TBCEL: variants seen among roughly 807,000 people sequenced by gnomAD.
TBCEL encodes tubulin folding cofactor E like, also known as tubulin-specific chaperone cofactor E-like protein.
A neutral mutation model predicts 44.2 loss-of-function variants in TBCEL; 15 were observed. That is an observed-to-expected ratio of 0.34 (90% CI 0.23 to 0.52). The LOEUF (loss-of-function observed/expected upper bound fraction) is 0.52. Among genes scored for constraint, TBCEL ranks in the 20% least tolerant of loss-of-function variants. The pLI, the probability that TBCEL is intolerant of heterozygous loss-of-function variation, is 0.95. For synonymous variants in TBCEL, 171 were observed against 185.4 expected, an observed-to-expected ratio of 0.92 and a Z score of 0.63; for missense variants, 319 against 506.3, an observed-to-expected ratio of 0.63 and a Z score of 3.55.
chr11:121,042,289 T>C (rs938992010), intron 2 of TBCEL, among the ~76,000 whole-genome samples: 15 of 152,188 alleles, frequency 9.9e-5, no homozygotes, highest in African/African-American at 2.9e-4. Flanking sequence ...AAAATTCTGT[T>C]GGCATTCTGC....
intron 8 of TBCEL, among the ~76,000 whole-genome samples, chr11:121,081,192 C>T (rs1012540203): frequency 1.3e-5 from 2 of 152,166 alleles, no homozygotes; most frequent in East Asian, 1.9e-4. Flanking sequence ...CATTTGGTTT[C>T]CATTTATCAC....
intron 8 of TBCEL, among the ~76,000 whole-genome samples, chr11:121,068,116 A>T (rs941198725): frequency 6.6e-6 from 1 of 152,324 alleles, no homozygotes; most frequent in African/African-American, 2.4e-5. Context: ...AGATGTATAC[A>T]TGCAGCTGTG....
At chr11:121,065,567 T>C (rs1385453351) in intron 8 of TBCEL, among the ~76,000 whole-genome samples, 1 of 152,222 alleles carries the variant, frequency 6.6e-6, no homozygotes, top group Non-Finnish European at 1.5e-5. Context: ...GTGTTTCTGG[T>C]TACATCAGCT....
intron 8 of TBCEL, among the ~76,000 whole-genome samples, chr11:121,079,525 G>A (rs945432748): frequency 1.3e-5 from 2 of 152,078 alleles, no homozygotes; most frequent in Admixed American, 6.6e-5. Flanking sequence ...AACAAACTGG[G>A]TCTCAATTTT....
At chr11:121,054,301 A>G (rs541552993) in intron 5 of TBCEL, among the ~76,000 whole-genome samples, 1 of 151,880 alleles carries the variant, frequency 6.6e-6, no homozygotes, top group Non-Finnish European at 1.5e-5. Context: ...AAATATGGAA[A>G]TTCTCAAAGC....
intron 8 of TBCEL, among the ~76,000 whole-genome samples, chr11:121,078,099 G>T (rs1469844992): frequency 2.0e-5 from 3 of 151,972 alleles, no homozygotes; most frequent in Admixed American, 1.3e-4. Context: ...TGTGTATTCT[G>T]ATATTGTTGG....
Position 121,031,856 on chromosome 11 carries a change from C to T in TBCEL, c.-125-4649C>T, listed in dbSNP as rs141319186. Among the ~76,000 whole-genome samples, 588 of 151,748 alleles carry T rather than the reference C, an allele frequency of 3.9e-3. 5 individuals carry two copies. Among genetic ancestry groups the T allele is most frequent in the African/African-American group, 0.013 (549 of 41,354 alleles). On this transcript the variant is annotated intron_variant, in intron 1 of 8. Transcript: ENST00000683345. ...ATTTTTTTGTGGAGATGGGGTCTTG[C>T]TATGTTGCCCAGGCTGGTCCTGAAC...
chr11:121,074,254 C>G (rs1945992394), intron 8 of TBCEL, among the ~76,000 whole-genome samples: 1 of 152,024 alleles, frequency 6.6e-6, no homozygotes, highest in African/African-American at 2.4e-5. Context: ...CAAAGTAAGT[C>G]TTCTTCCCAT....
intron 7 of TBCEL, 106 bp from the exon 8 acceptor site, chr11:121,059,863 T>G: frequency 1.3e-6 from 1 of 765,194 alleles, no homozygotes; most frequent in Non-Finnish European, 2.1e-6. Flanking sequence ...ACATCAAATG[T>G]GTCCTTTCAA....
Position 121,072,251 on chromosome 11 carries a change from C to T in TBCEL, c.956+12166C>T, listed in dbSNP as rs113048060. Among the ~76,000 whole-genome samples, 586 of 152,238 alleles carry T rather than the reference C, an allele frequency of 3.8e-3. 8 individuals carry two copies. Among genetic ancestry groups the T allele is most frequent in the African/African-American group, 0.012 (479 of 41,538 alleles). On this transcript the variant is annotated intron_variant, in intron 8 of 8. Transcript: ENST00000683345. ...GAAAGAGAGAGTGAGAGCCAGTCCT[C>T]CCAAATCATGGGCTTGGAGGAAATT...
chr11:121,057,705 C>T (rs1945647188), intron 6 of TBCEL: 1 of 426,764 alleles, frequency 2.3e-6, no homozygotes, highest in East Asian at 7.3e-5. Flanking sequence ...ATTGTATTAG[C>T]TATTAAAAGT....
intron 2 of TBCEL, among the ~76,000 whole-genome samples, chr11:121,043,388 G>A (rs1005821387): frequency 6.6e-6 from 1 of 152,032 alleles, no homozygotes; most frequent in Non-Finnish European, 1.5e-5. Context: ...AATACCTAAC[G>A]TTCATTATAA....
chr11:121,071,705 GT>G (rs1565504407), intron 8 of TBCEL, among the ~76,000 whole-genome samples: 1 of 152,128 alleles, frequency 6.6e-6, no homozygotes, highest in Admixed American at 6.6e-5. Flanking sequence ...TGGAGAGTAT[GT>G]TTTTCCCTGC....
At chr11:121,081,999 G>A (rs1448962076) in intron 8 of TBCEL, among the ~76,000 whole-genome samples, 1 of 152,174 alleles carries the variant, frequency 6.6e-6, no homozygotes, top group Non-Finnish European at 1.5e-5. Context: ...ATTTAAACAA[G>A]TGGAAAGGAA....
chr11:121,081,594 C>T (rs2135016191), intron 8 of TBCEL, among the ~76,000 whole-genome samples: 1 of 152,298 alleles, frequency 6.6e-6, no homozygotes, highest in South Asian at 2.1e-4. Flanking sequence ...AAAGCTCAGG[C>T]ATGCAATGCA....
chr11:121,043,241 C>T (rs948367343), intron 2 of TBCEL, among the ~76,000 whole-genome samples: 2 of 152,204 alleles, frequency 1.3e-5, no homozygotes, highest in East Asian at 3.9e-4. Flanking sequence ...TTTTAATACT[C>T]GGCAACGTTT....
intron 1 of TBCEL, 197 bp from the exon 2 acceptor site, chr11:121,036,308 T>A (rs1945230709): frequency 6.6e-6 from 1 of 152,130 alleles, no homozygotes; most frequent in African/African-American, 2.4e-5. Flanking sequence ...CTGGGCCAAA[T>A]AGAAAGGTAG....
chr11:121,041,012 G>A (rs189975811), intron 2 of TBCEL, among the ~76,000 whole-genome samples: 37 of 152,240 alleles, frequency 2.4e-4, no homozygotes, highest in African/African-American at 8.4e-4. Context: ...TGTGGGGTAC[G>A]TTTTATATCT....
Position 121,053,693 on chromosome 11 carries a change from C to A in TBCEL, c.416C>A (p.Ser139Tyr). Reference protein sequence around the residue: ...RKLVLNNSKASWETVHMILQE... With the variant: ...RKLVLNNSKAYWETVHMILQE... The stretch of plus-strand genomic sequence containing the variant: ...CTTGTCCTCAACAACAGCAAAGCTT[C>A]TTGGGAGACGGTCCACATGATACTA... Residue 139 changes from serine to tyrosine, a missense_variant, in exon 5 of 9, where the codon TCT becomes TAT. Coordinates refer to ENST00000683345, the MANE Select transcript of TBCEL (RefSeq NM_001363644.2). 1 of 1,612,098 alleles carries A rather than the reference C, an allele frequency of 6.2e-7. No individual in the cohort carries two copies. The highest frequency in any genetic ancestry group is 8.5e-7 in the Non-Finnish European group (1 of 1,178,856).
Sources: allele counts gnomAD v4.1 joint callset (sites outside exome capture counted in the v4.1 genomes callset), GRCh38; gene constraint gnomAD v4.1.1; transcripts MANE v1.5; gene names NCBI Gene and HGNC (gene_info 2026-07-23, HGNC 2026-07-21).